AFF3: variants seen among roughly 807,000 people sequenced by gnomAD.
The protein encoded by AFF3 is ALF transcription elongation factor 3.
Under a neutral mutation model 129.7 loss-of-function variants are expected in AFF3, and 32 were observed. That is an observed-to-expected ratio of 0.25 (90% CI 0.19 to 0.33). AFF3 has a LOEUF of 0.33. AFF3 is among the 10% of genes least tolerant of loss of function. The pLI is 1.00. For missense variants in AFF3, 1,373 were observed against 1,592.0 expected, an observed-to-expected ratio of 0.86 and a Z score of 2.34; for synonymous variants, 644 against 635.4, an observed-to-expected ratio of 1.01 and a Z score of -0.20.
At position 99,885,584 on chromosome 2, in the gene AFF3, C is replaced by T. The variant is rs558292548; in HGVS notation, c.874-48060G>A. 3.9e-5 allele frequency among the ~76,000 whole-genome samples: 6 copies of T among 152,236 alleles called. No homozygotes were observed. In the South Asian group the frequency reaches 1.2e-3, roughly 32 times the overall value. Reference sequence around the variant, plus strand: ...TAGGCCCCTAAATCTATATTTGTGCCCAGGAGTTGCTGATTTCAGGGATGG... The same window carrying T: ...TAGGCCCCTAAATCTATATTTGTGCTCAGGAGTTGCTGATTTCAGGGATGG... On this transcript the variant is annotated intron_variant, in intron 7 of 24. Coordinates refer to ENST00000672756, the MANE Select transcript of AFF3 (RefSeq NM_001386135.1).
intron 15 of AFF3, among the ~76,000 whole-genome samples, chr2:99,592,438 G>A (rs1001341648): frequency 6.6e-6 from 1 of 152,162 alleles, no homozygotes; most frequent in Non-Finnish European, 1.5e-5. Flanking sequence ...CCACAACCTT[G>A]AACTTCATGA....
chr2:99,683,310 A>G (rs1036228942), intron 11 of AFF3, among the ~76,000 whole-genome samples: 1 of 152,214 alleles, frequency 6.6e-6, no homozygotes, highest in African/African-American at 2.4e-5. Context: ...GGAATGTTGT[A>G]GAAAATGTAG....
chr2:99,782,487 C>A (rs1239580205), intron 8 of AFF3, among the ~76,000 whole-genome samples: 1 of 152,212 alleles, frequency 6.6e-6, no homozygotes, highest in Non-Finnish European at 1.5e-5. Flanking sequence ...AGGGGCCTGC[C>A]ATAGTCCTGC....
At chr2:100,014,088 A>G (rs1161981923) in intron 4 of AFF3, among the ~76,000 whole-genome samples, 2 of 151,470 alleles carry the variant, frequency 1.3e-5, no homozygotes, top group African/African-American at 4.8e-5. Context: ...ACTCATCCAC[A>G]TGCAGCCTGA....
intron 7 of AFF3, among the ~76,000 whole-genome samples, chr2:99,899,509 A>G (rs1694204517): frequency 6.6e-6 from 1 of 152,254 alleles, no homozygotes. Flanking sequence ...CAATCGATCC[A>G]TTTATCTTCA....
chr2:99,948,288 T>A (rs1335128464), intron 7 of AFF3, among the ~76,000 whole-genome samples: 3 of 152,154 alleles, frequency 2.0e-5, no homozygotes, highest in Non-Finnish European at 4.4e-5. Context: ...CCATCTGCAG[T>A]GCTCAGTTCC....
intron 7 of AFF3, among the ~76,000 whole-genome samples, chr2:99,986,196 A>G: frequency 7.3e-6 from 1 of 136,542 alleles, no homozygotes. Flanking sequence ...GCGAGACTTC[A>G]TCTCAAATAA....
At chr2:99,629,902 A>ACT (rs1682968191) in intron 13 of AFF3, among the ~76,000 whole-genome samples, 1 of 151,866 alleles carries the variant, frequency 6.6e-6, no homozygotes, top group Non-Finnish European at 1.5e-5. Flanking sequence ...CAAAGGCCCC[A>ACT]CCTCCTAATA....
At chr2:99,695,353 C>A (rs1676103413) in intron 11 of AFF3, among the ~76,000 whole-genome samples, 1 of 152,150 alleles carries the variant, frequency 6.6e-6, no homozygotes, top group Non-Finnish European at 1.5e-5. Flanking sequence ...CAGGGTGGGA[C>A]CCTCATATAC....
Position 99,756,073 on chromosome 2 carries a change from T to C in AFF3, c.922-3772A>G, listed in dbSNP as rs565977096. Among the ~76,000 whole-genome samples, 47 of 152,282 alleles carry C rather than the reference T, an allele frequency of 3.1e-4. No homozygotes were observed. In the South Asian group the frequency reaches 9.3e-3, roughly 30 times the overall value. On this transcript the variant is annotated intron_variant, in intron 8 of 24. Coordinates refer to ENST00000672756, the MANE Select transcript of AFF3 (RefSeq NM_001386135.1). ...ACTTCTCTAAACTTGGGCCCTCCTT[T>C]CCTTCTCCTTTGAGGCTCTTGCCAG...
At chr2:99,854,314 T>G (rs963564965) in intron 7 of AFF3, among the ~76,000 whole-genome samples, 31 of 152,020 alleles carry the variant, frequency 2.0e-4, no homozygotes, top group African/African-American at 7.0e-4. Flanking sequence ...ATGGTCTCAG[T>G]GCAGAACTTT....
intron 4 of AFF3, among the ~76,000 whole-genome samples, chr2:100,092,369 C>T (rs1461348011): frequency 6.6e-6 from 1 of 152,156 alleles, no homozygotes; most frequent in Non-Finnish European, 1.5e-5. Flanking sequence ...CCGGCCCAGG[C>T]TAGTCAGCCC....
At chr2:99,597,801 G>T (rs752972495) in intron 14 of AFF3, among the ~76,000 whole-genome samples, 1 of 152,194 alleles carries the variant, frequency 6.6e-6, no homozygotes, top group Non-Finnish European at 1.5e-5. Flanking sequence ...CAAGGTTCTG[G>T]TTTGTTTGCT....
chr2:100,110,866 C>T (rs1691489382), intron 2 of AFF3, among the ~76,000 whole-genome samples: 1 of 152,222 alleles, frequency 6.6e-6, no homozygotes, highest in Non-Finnish European at 1.5e-5. Flanking sequence ...TTTCTAGTCT[C>T]TCTTATTGCA....
At chr2:99,579,189 T>C (rs952340944) in intron 17 of AFF3, among the ~76,000 whole-genome samples, 19 of 151,982 alleles carry the variant, frequency 1.3e-4, no homozygotes, top group African/African-American at 4.6e-4. Context: ...GGAGATCACC[T>C]GAGGTCAGGA....
At chr2:99,956,443 G>A (rs550012111) in intron 7 of AFF3, among the ~76,000 whole-genome samples, 1 of 152,098 alleles carries the variant, frequency 6.6e-6, no homozygotes, top group Non-Finnish European at 1.5e-5. Flanking sequence ...GAAGTTGGAG[G>A]GGGGGGCTGT....
intron 13 of AFF3, among the ~76,000 whole-genome samples, chr2:99,622,550 G>A (rs1267904056): frequency 6.6e-6 from 1 of 152,234 alleles, no homozygotes; most frequent in Non-Finnish European, 1.5e-5. Flanking sequence ...TGAGTATGGT[G>A]CCAATAAGTC....
chr2:100,004,790 G>A (rs1681803529), intron 7 of AFF3, among the ~76,000 whole-genome samples: 1 of 151,322 alleles, frequency 6.6e-6, no homozygotes, highest in Non-Finnish European at 1.5e-5. Flanking sequence ...GTGTTATAAG[G>A]TTCAAATTAC....
intron 8 of AFF3, among the ~76,000 whole-genome samples, chr2:99,761,092 C>A (rs1003922484): frequency 6.6e-6 from 1 of 151,844 alleles, no homozygotes; most frequent in Admixed American, 6.6e-5. Flanking sequence ...GGTGATGGAA[C>A]TGAGAATCCA....
Sources: gnomAD v4.1 joint callset for allele counts (sites outside exome capture counted in the v4.1 genomes callset) on GRCh38, gnomAD v4.1.1 for gene constraint, MANE v1.5 for transcripts, NCBI Gene and HGNC (gene_info 2026-07-23, HGNC 2026-07-21) for gene names.